The following AMPH variants were observed in gnomAD, a reference collection of about 807,000 sequenced individuals.
The protein encoded by AMPH is amphiphysin (Stiff-Mann syndrome with breast cancer 128kD autoantigen).
Under a neutral mutation model 99.1 loss-of-function variants are expected in AMPH, and 49 were observed. The ratio of observed to expected loss-of-function variants is 0.49; its 90% CI spans 0.39 to 0.63. The LOEUF is 0.63. Among genes scored for constraint, AMPH ranks in the 20% least tolerant of loss-of-function variants. The probability of loss-of-function intolerance (pLI) is 0.00; values close to 1 mark genes in which losing one functional copy is unlikely to be tolerated. For missense variants in AMPH, 759 were observed against 863.4 expected (o/e 0.88, Z 1.52); for synonymous variants, 314 against 317.3 (o/e 0.99, Z 0.11).
intron 1 of AMPH, among the ~76,000 whole-genome samples, chr7:38,627,566 A>G (rs1221999862): frequency 2.0e-5 from 3 of 150,172 alleles, no homozygotes; most frequent in African/African-American, 7.4e-5. Context: ...GAGGCAGGAG[A>G]ATGGCATGAA....
chr7:38,461,822 G>T (rs1230696989), intron 10 of AMPH, among the ~76,000 whole-genome samples: 1 of 152,162 alleles, frequency 6.6e-6, no homozygotes, highest in East Asian at 1.9e-4. Context: ...ACCTACTATA[G>T]GCAGCTTACA....
chr7:38,384,975 C>A (rs745710428), intron 20 of AMPH, 50 bp from the exon 21 acceptor site: 2 of 1,442,030 alleles, frequency 1.4e-6, no homozygotes, highest in Non-Finnish European at 2.0e-6. Flanking sequence ...ACTGGAAAAT[C>A]CACACTGCCA....
At chr7:38,521,680 T>C (rs1232785111) in intron 2 of AMPH, among the ~76,000 whole-genome samples, 3 of 152,152 alleles carry the variant, frequency 2.0e-5, no homozygotes, top group Non-Finnish European at 4.4e-5. Flanking sequence ...GGAAATATTA[T>C]CATCCACCCC....
At chr7:38,553,690 C>T (rs1252411141) in intron 1 of AMPH, among the ~76,000 whole-genome samples, 2 of 152,156 alleles carry the variant, frequency 1.3e-5, no homozygotes, top group Non-Finnish European at 2.9e-5. Flanking sequence ...CTTCATGGGG[C>T]CTTGAGTATT....
chr7:38,610,283 AGAAAGAAAGAAAG>A (rs1793597017), intron 1 of AMPH, among the ~76,000 whole-genome samples: 1 of 32,310 alleles, frequency 3.1e-5, no homozygotes, highest in Admixed American at 3.5e-4. Flanking sequence ...AAAGAAAGAA[AGAAAGAAAGAAAG>A]AAAAGAAAAG....
At chr7:38,553,079 A>C (rs1411499149) in intron 1 of AMPH, among the ~76,000 whole-genome samples, 1 of 152,160 alleles carries the variant, frequency 6.6e-6, no homozygotes, top group Non-Finnish European at 1.5e-5. Context: ...CCTGCTTTGA[A>C]CTATTTCTGG....
At chr7:38,591,941 T>C (rs1792872895) in intron 1 of AMPH, among the ~76,000 whole-genome samples, 1 of 152,194 alleles carries the variant, frequency 6.6e-6, no homozygotes, top group Non-Finnish European at 1.5e-5. Flanking sequence ...CACAGAAATA[T>C]AGCATGTGGA....
intron 5 of AMPH, among the ~76,000 whole-genome samples, chr7:38,486,965 ACAT>A (rs1293289449): frequency 6.6e-6 from 1 of 152,184 alleles, no homozygotes; most frequent in East Asian, 1.9e-4. Context: ...CTTACAGTTA[ACAT>A]CATATCCAGT....
At chr7:38,541,730 A>G (rs538149904) in intron 1 of AMPH, among the ~76,000 whole-genome samples, 1 of 152,342 alleles carries the variant, frequency 6.6e-6, no homozygotes, top group South Asian at 2.1e-4. Context: ...TAAAAGGTTG[A>G]GAATGACATA....
intron 7 of AMPH, among the ~76,000 whole-genome samples, chr7:38,474,894 T>G (rs988642473): frequency 6.6e-6 from 1 of 152,062 alleles, no homozygotes; most frequent in Non-Finnish European, 1.5e-5. Context: ...CTAAGCCAGA[T>G]GACTAGATGA....
At chr7:38,418,503 G>A (rs1187229626) in intron 16 of AMPH, among the ~76,000 whole-genome samples, 2 of 152,200 alleles carry the variant, frequency 1.3e-5, no homozygotes, top group East Asian at 3.8e-4. Context: ...CTAATAGTCA[G>A]ACTAAAATGC....
At chr7:38,422,725 C>T (rs41279576) in intron 15 of AMPH, among the ~76,000 whole-genome samples, 9,038 of 152,096 alleles carry the variant, frequency 0.059, 377 homozygotes, top group East Asian at 0.2. Flanking sequence ...TGGGCTCAGG[C>T]GATCTACCTC....
At chr7:38,494,102 G>A (rs10249698) in intron 4 of AMPH, among the ~76,000 whole-genome samples, 29,753 of 151,952 alleles carry the variant, frequency 0.2, 3,128 homozygotes, top group Middle Eastern at 0.23. Flanking sequence ...GATTACAGGC[G>A]TGTGCCACCA....
intron 1 of AMPH, among the ~76,000 whole-genome samples, chr7:38,626,595 G>A (rs147305196): frequency 8.5e-5 from 13 of 152,246 alleles, no homozygotes; most frequent in Non-Finnish European, 1.5e-5. Flanking sequence ...AAAAACCTTA[G>A]AAGAAAACCT....
chr7:38,596,604 G>A (rs1409434276), intron 1 of AMPH, among the ~76,000 whole-genome samples: 1 of 152,178 alleles, frequency 6.6e-6, no homozygotes, highest in Admixed American at 6.5e-5. Context: ...TTTGCCTGAT[G>A]CAGTCAAACA....
chr7:38,394,108 C>T lies in AMPH; in HGVS notation c.1505G>A (p.Gly502Glu), dbSNP rs1784595862. Residue 502 changes from glycine (G) to glutamate (E), a missense_variant, in exon 18 of 21, where the codon GGG becomes GAG. Gly to Glu is a moderately conservative substitution (Grantham distance 98, BLOSUM62 -2). Around this residue, in one of 2 missense-constraint regions of AMPH, gnomAD observed 554 missense variants for 575.6 expected, o/e 0.96. Transcript: ENST00000356264. Reference sequence around the variant, plus strand: ...GGCCTCCTCTAAACTTACTCCTTCCCCGGCAGGGACAGTGGCCTTCTCCGC... The same window carrying T: ...GGCCTCCTCTAAACTTACTCCTTCCTCGGCAGGGACAGTGGCCTTCTCCGC... ...AEAEKATVPA[G>E]EGVSLEEAKI... The T allele has an allele frequency of 6.2e-7, 1 of 1,614,186 alleles. No homozygotes were observed. The highest frequency in any genetic ancestry group is 2.2e-5 in the East Asian group (1 of 44,870).
chr7:38,386,826 T>C (rs1328010407), intron 20 of AMPH, among the ~76,000 whole-genome samples: 1 of 152,212 alleles, frequency 6.6e-6, no homozygotes, highest in Admixed American at 6.5e-5. Context: ...TATTTGACCC[T>C]TGAAAGTAGA....
chr7:38,509,165 C>G (rs933970668), intron 2 of AMPH, among the ~76,000 whole-genome samples: 1 of 152,140 alleles, frequency 6.6e-6, no homozygotes. Flanking sequence ...AACAATTCCT[C>G]TTCTTTTATT....
chr7:38,570,700 C>G (rs921717098), intron 1 of AMPH, among the ~76,000 whole-genome samples: 1 of 133,634 alleles, frequency 7.5e-6, no homozygotes, highest in East Asian at 2.0e-4. Flanking sequence ...GAATTCCCAT[C>G]GATTAAAAAA....
Sources: allele counts gnomAD v4.1 joint callset (sites outside exome capture counted in the v4.1 genomes callset), GRCh38; gene constraint gnomAD v4.1.1; regional missense constraint gnomAD v4.1.1; transcripts MANE v1.5; gene names NCBI Gene and HGNC (gene_info 2026-07-23, HGNC 2026-07-21).